Variants in CROCC2 observed in about 807,000 individuals in gnomAD.
CROCC2 encodes ciliary rootlet coiled-coil, rootletin family member 2.
CROCC2 carries 163 observed loss-of-function variants against 177.6 expected under a neutral mutation model. The ratio of observed to expected loss-of-function variants is 0.92; its 90% CI spans 0.81 to 1.05. The LOEUF is 1.05. CROCC2 is among the 50% of genes least tolerant of loss of function. The pLI is 0.00. For synonymous variants in CROCC2, 904 were observed against 787.3 expected, an observed-to-expected ratio of 1.15 and a Z score of -2.48; for missense variants, 1,929 against 1,797.8, an observed-to-expected ratio of 1.07 and a Z score of -1.32.
chr2:240,907,638 G>A (rs1455461539), intron 1 of CROCC2, among the ~76,000 whole-genome samples: 1 of 152,182 alleles, frequency 6.6e-6, no homozygotes. Flanking sequence ...GGCTGCATGA[G>A]GACTAAGGGC....
intron 11 of CROCC2, 57 bp downstream of exon 11, chr2:240,933,909 C>T: frequency 2.0e-6 from 3 of 1,487,716 alleles, no homozygotes; most frequent in Non-Finnish European, 1.8e-6. Context: ...CCCCACTCTG[C>T]CACCATCAGC....
intron 28 of CROCC2, among the ~76,000 whole-genome samples, chr2:240,987,466 G>A (rs991802702): frequency 6.6e-6 from 1 of 152,186 alleles, no homozygotes; most frequent in African/African-American, 2.4e-5. Flanking sequence ...TCCTTTTTCA[G>A]TGCAGGGGAC....
intron 31 of CROCC2, 149 bp downstream of exon 31, chr2:240,991,427 G>A: frequency 1.5e-6 from 1 of 670,004 alleles, no homozygotes; most frequent in Admixed American, 3.4e-5. Flanking sequence ...TGCACAAGAG[G>A]GACAAAGCTC....
rs1480126783 is a variant in CROCC2, at chr2:240,993,073, A to G, written c.4954A>G (p.Arg1652Gly). Residue 1652 changes from arginine (R) to glycine (G), a missense_variant, in exon 32 of 32, where the codon AGG becomes GGG. This residue lies in a region of CROCC2 where 388 missense variants were observed against 352.7 expected (regional missense o/e 1.10). Coordinates refer to ENST00000690015, the MANE Select transcript of CROCC2 (RefSeq NM_001351305.2). ...CTCTTTGCATCCCTGCAGCGCCCAA[A>G]GGGACTGAAGCTCCCAGCACAGGGG... is the stretch of plus-strand genomic sequence containing the variant. ...GQAFQTGHAQ[R>G]D is the part of the protein sequence containing the mutation. The G allele has an allele frequency of 1.5e-5, 11 of 717,048 alleles. No individual in the cohort carries two copies. In the East Asian group the frequency reaches 2.7e-4, roughly 17 times the overall value. The allele number at this position is 717,048 out of a possible 1,614,324, so 44.4% of individuals were successfully genotyped here. A position where few individuals can be genotyped will look rare whatever the true frequency, so the allele number is the denominator to read the frequency against.
At chr2:240,967,500 A>T in intron 26 of CROCC2, 35 bp downstream of exon 26, 1 of 1,254,976 alleles carries the variant, frequency 8.0e-7, no homozygotes, top group Non-Finnish European at 1.1e-6. Flanking sequence ...CCACCCTGGG[A>T]GTGGCTGTGA....
chr2:240,928,420 TTGTGTGTGTGTGTGTGTGTG>T (rs58145871), intron 5 of CROCC2, among the ~76,000 whole-genome samples: 6 of 147,666 alleles, frequency 4.1e-5, no homozygotes, highest in Non-Finnish European at 6.0e-5. Flanking sequence ...TGTGCCTGTT[TTGTGTGTGTGTGTGTGTGTG>T]TGTGTGTGTG....
At position 240,958,594 on chromosome 2, in the gene CROCC2, T is replaced by A. The variant is rs2059608959; in HGVS notation, c.2944-707T>A. On this transcript the variant is annotated intron_variant, in intron 19 of 31. Transcript: ENST00000690015. The surrounding 1 kb of genome is among the most constrained non-coding windows in gnomAD (Gnocchi z 6.7). ...CACCAGCCGCCCCCCGCCAGCCGCC[T>A]GCTGCTGCCTGGAGGCTTGGTCCAG... The A allele has an allele frequency of 4.1e-6, 4 of 985,240 alleles. No homozygotes were observed. In the South Asian group the frequency reaches 1.9e-4, roughly 46 times the overall value. The allele number at this position is 985,240 out of a possible 1,614,324, so 61.0% of individuals were successfully genotyped here. A position where few individuals can be genotyped will look rare whatever the true frequency, so the allele number is the denominator to read the frequency against.
At chr2:240,937,463 T>C (rs1352193769) in intron 14 of CROCC2, among the ~76,000 whole-genome samples, 1 of 152,232 alleles carries the variant, frequency 6.6e-6, no homozygotes, top group African/African-American at 2.4e-5. Flanking sequence ...CCCAAGGTTG[T>C]GGCTGCCTGT....
intron 1 of CROCC2, among the ~76,000 whole-genome samples, chr2:240,914,492 C>T (rs1474767903): frequency 2.0e-5 from 3 of 152,248 alleles, no homozygotes; most frequent in African/African-American, 7.2e-5. Context: ...CCCCAGCCTC[C>T]GTTCTACAAG....
At chr2:240,916,903 G>A (rs1262160521) in intron 1 of CROCC2, among the ~76,000 whole-genome samples, 2 of 152,158 alleles carry the variant, frequency 1.3e-5, no homozygotes, top group Non-Finnish European at 2.9e-5. Flanking sequence ...AAAATAAGGG[G>A]TTTAGAACAG....
intron 19 of CROCC2, 41 bp from the exon 20 acceptor site, chr2:240,959,260 C>T (rs1301122801): frequency 6.5e-7 from 1 of 1,544,598 alleles, no homozygotes; most frequent in Admixed American, 2.0e-5. Flanking sequence ...ACTGCTGGGC[C>T]CAGCTCCCTG....
chr2:240,948,715 T>C (rs993697427), intron 15 of CROCC2, among the ~76,000 whole-genome samples: 5 of 152,192 alleles, frequency 3.3e-5, no homozygotes, highest in African/African-American at 7.2e-5. Context: ...GCTTTTCACA[T>C]GATGGAATCA....
At chr2:240,915,903 C>A (rs879737120) in intron 1 of CROCC2, among the ~76,000 whole-genome samples, 2 of 152,192 alleles carry the variant, frequency 1.3e-5, no homozygotes, top group Admixed American at 1.3e-4. Flanking sequence ...GGAAAGTGAC[C>A]TCCAGCCCTG....
chr2:240,922,719 T>C, intron 4 of CROCC2, 74 bp downstream of exon 4: 2 of 503,100 alleles, frequency 4.0e-6, no homozygotes, highest in Non-Finnish European at 7.2e-6. Context: ...GGACCCTCTG[T>C]GCCTTGGGGC....
intron 14 of CROCC2, among the ~76,000 whole-genome samples, chr2:240,937,807 G>A (rs1484743506): frequency 1.3e-5 from 2 of 152,172 alleles, no homozygotes; most frequent in Non-Finnish European, 2.9e-5. Context: ...GGCCTGGTGG[G>A]AGGTGATTTG....
At chr2:240,976,528 TCAGGAGCCCAGG>T (rs2059767376) in intron 27 of CROCC2, among the ~76,000 whole-genome samples, 2 of 113,492 alleles carry the variant, frequency 1.8e-5, no homozygotes, top group African/African-American at 3.7e-5. Flanking sequence ...GGTAGGAGCC[TCAGGAGCCCAGG>T]CTCATCCCTG....
intron 18 of CROCC2, among the ~76,000 whole-genome samples, chr2:240,954,170 A>T (rs1353493446): frequency 1.3e-5 from 2 of 151,258 alleles, no homozygotes; most frequent in Non-Finnish European, 2.9e-5. Flanking sequence ...AAAATCCCCC[A>T]CTCCTGCCCC....
rs1201411716 is a variant in CROCC2 at position 240,931,142 on chromosome 2, GC to G, written c.947+16del. ...GCTCCAGGCCAGGTGGGCGCCCAGGGCCAGCAAGCTTGCACAGGGAGGGCCC... is the reference window on the plus strand; with the variant it reads ...GCTCCAGGCCAGGTGGGCGCCCAGGGCAGCAAGCTTGCACAGGGAGGGCCC... On this transcript the variant is annotated intron_variant, in intron 7 of 31. Coordinates refer to ENST00000690015, the MANE Select transcript of CROCC2 (RefSeq NM_001351305.2). 1.4e-6 allele frequency: 1 copy of G among 705,824 alleles called. No homozygotes were observed. Among genetic ancestry groups the G allele is most frequent in the Non-Finnish European group, 2.6e-6 (1 of 378,484 alleles). The allele number at this position is 705,824 out of a possible 1,614,324, so 43.7% of individuals were successfully genotyped here.
intron 5 of CROCC2, among the ~76,000 whole-genome samples, 154 bp downstream of exon 5, chr2:240,926,034 C>T (rs1017568979): frequency 6.6e-6 from 1 of 152,240 alleles, no homozygotes; most frequent in Admixed American, 6.5e-5. Flanking sequence ...GTCCCCAACC[C>T]GGCTTGGCCA....
Sources: gnomAD v4.1 joint callset for allele counts (sites outside exome capture counted in the v4.1 genomes callset) on GRCh38, gnomAD v4.1.1 for gene constraint, gnomAD v4.1.1 regional missense constraint, Gnocchi (gnomAD v3.1) non-coding constraint, MANE v1.5 for transcripts, NCBI Gene and HGNC (gene_info 2026-07-23, HGNC 2026-07-21) for gene names.